The following MYH14 variants were observed in gnomAD, a reference collection of about 807,000 sequenced individuals.
The protein encoded by MYH14 is myosin-14.
Under a neutral mutation model 255.5 loss-of-function variants are expected in MYH14, and 123 were observed. The ratio of observed to expected loss-of-function variants is 0.48; its 90% CI spans 0.42 to 0.56. The LOEUF (loss-of-function observed/expected upper bound fraction) is 0.56, where lower values mean the gene tolerates loss of function less well. MYH14 is among the 20% of genes least tolerant of loss of function. The pLI is 0.00. For missense variants in MYH14, 2,423 were observed against 2,802.3 expected (o/e 0.86, Z 3.06); for synonymous variants, 1,095 against 1,161.2 (o/e 0.94, Z 1.16).
chr19:50,272,624 G>C lies in MYH14; in HGVS notation c.3360G>C (p.Gly1120=). The part of the protein sequence containing the change: ...ELEKLKRRLD[G]ESSELQEQMV... ...AGAAGCTGAAGCGGAGGCTGGATGG[G>C]GAGAGCTCAGAGCTGCAGGAGCAGA... is the stretch of plus-strand genomic sequence containing the variant. Residue 1120 remains glycine, a synonymous_variant, in exon 27 of 43, where the codon GGG becomes GGC. Transcript: ENST00000642316. 1 of 1,577,922 alleles carries C rather than the reference G, an allele frequency of 6.3e-7. No individual in the cohort carries two copies. Among genetic ancestry groups the C allele is most frequent in the Non-Finnish European group, 8.6e-7 (1 of 1,162,926 alleles).
intron 1 of MYH14, among the ~76,000 whole-genome samples, chr19:50,208,531 T>C (rs566143315): frequency 1.8e-4 from 28 of 152,278 alleles, no homozygotes; most frequent in Non-Finnish European, 1.6e-4. Context: ...AGAGAATTTT[T>C]AAAAAACAAA....
intron 12 of MYH14, among the ~76,000 whole-genome samples, chr19:50,248,699 C>G (rs1043763061): frequency 6.6e-6 from 1 of 152,238 alleles, no homozygotes; most frequent in African/African-American, 2.4e-5. Flanking sequence ...TTGTCCGGCT[C>G]CAGAGTCCAC....
In MYH14 at chr19:50,276,808, G is replaced by A; in HGVS notation, c.3732G>A (p.Glu1244=). Reference sequence around the variant, plus strand: ...AGCTGAAGAAGACTCTGGAGGAGGAGACTCGCATCCACGAGGCGGCAGTGC... The same window carrying A: ...AGCTGAAGAAGACTCTGGAGGAGGAAACTCGCATCCACGAGGCGGCAGTGC... ...VTELKKTLEE[E]TRIHEAAVQE... is the part of the protein sequence containing the mutation. The change falls in exon 29 of 43, where the codon GAG becomes GAA. Residue 1244 remains glutamate (E), a synonymous_variant. Coordinates refer to ENST00000642316, the MANE Select transcript of MYH14 (RefSeq NM_001145809.2). This position sits in a 1 kb window ranked among gnomAD's most constrained non-coding sequence, Gnocchi z 4.3. 6.2e-7 allele frequency: 1 copy of A among 1,613,344 alleles called. No homozygotes were observed.
intron 2 of MYH14, among the ~76,000 whole-genome samples, chr19:50,213,941 C>G (rs2032335591): frequency 6.6e-6 from 1 of 152,186 alleles, no homozygotes; most frequent in African/African-American, 2.4e-5. Context: ...CCTCCTGCCT[C>G]AGCCTCCTAA....
Position 50,244,326 on chromosome 19 carries a change from C to G in MYH14, c.1199C>G (p.Pro400Arg). The G allele has an allele frequency of 1.2e-6, 2 of 1,613,546 alleles. No individual in the cohort carries two copies. The highest frequency in any genetic ancestry group is 1.1e-5 in the South Asian group (1 of 91,080). ...CGGAACACCGATCAAGCCACCATGC[C>G]TGACAACACAGGTACTGCCCCCGGC... ...RERNTDQATM[P>R]DNTAAQKLCR... The change falls in exon 11 of 43, where the codon CCT (proline) becomes CGT (arginine). Residue 400 changes from proline (P) to arginine (R), a missense_variant. By Grantham distance (103) the Pro-to-Arg change is moderately radical. Around this residue, in one of 3 missense-constraint regions of MYH14, gnomAD observed 672 missense variants for 881.8 expected, o/e 0.76. Coordinates refer to ENST00000642316, the MANE Select transcript of MYH14 (RefSeq NM_001145809.2).
intron 19 of MYH14, 106 bp downstream of exon 19, chr19:50,259,371 C>T (rs1271290547): frequency 3.3e-5 from 47 of 1,425,082 alleles, no homozygotes; most frequent in Non-Finnish European, 4.2e-5. Context: ...GTTCCTTCTG[C>T]GCTGGGGAAG....
In MYH14 at chr19:50,224,061, G is replaced by A. The variant is rs2032980068; in HGVS notation, c.694-93G>A. ...CAGTCCCCCTTCCCCCACCCCCCAT[G>A]CCACCACCTGAGATCACTGGTTCAC... On this transcript the variant is annotated intron_variant, in intron 5 of 42. Transcript: ENST00000642316. 6 of 438,354 alleles carry A rather than the reference G, an allele frequency of 1.4e-5. No individual in the cohort carries two copies. The Admixed American group carries it at 1.6e-4, about 11-fold the overall frequency. 27.2% of individuals were successfully genotyped at this position (438,354 alleles called of 1,614,324 possible). A position where few individuals can be genotyped will look rare whatever the true frequency, so the allele number is the denominator to read the frequency against.
At chr19:50,239,329 C>CT (rs1280691956) in intron 10 of MYH14, among the ~76,000 whole-genome samples, 34 of 151,930 alleles carry the variant, frequency 2.2e-4, no homozygotes, top group Non-Finnish European at 2.9e-5. Context: ...CTCTTGCTCT[C>CT]TTTTTTTCCT....
chr19:50,217,904 G>A, intron 3 of MYH14, 133 bp downstream of exon 3: 1 of 1,096,830 alleles, frequency 9.1e-7, no homozygotes, highest in Non-Finnish European at 1.3e-6. Flanking sequence ...TTAGGGGGCT[G>A]GAGGGAGCAC....
At chr19:50,251,536 AC>A (rs2034391740) in intron 15 of MYH14, among the ~76,000 whole-genome samples, 1 of 51,322 alleles carries the variant, frequency 1.9e-5, no homozygotes, top group Non-Finnish European at 4.5e-5. Flanking sequence ...ACACACACAC[AC>A]ACACACACAC....
Position 50,289,549 on chromosome 19 carries a change from TC to T in MYH14, c.4867del (p.Leu1623TrpfsTer3). 1 of 1,613,048 alleles carries T rather than the reference TC, an allele frequency of 6.2e-7. No homozygotes were observed. The highest frequency in any genetic ancestry group is 8.5e-7 in the Non-Finnish European group (1 of 1,179,608). On this transcript the variant is annotated frameshift_variant, in exon 35 of 43. Transcript: ENST00000642316. LOFTEE classifies it high-confidence loss of function. ...LTAAEDAKLR[L>X]EVTVQALKTQ... ...CAGCGGCCGAGGATGCCAAGCTGCG[TC>T]TGGAGGTGACTGTGCAGGCTCTCAA...
intron 25 of MYH14, 103 bp downstream of exon 25, chr19:50,271,649 G>A: frequency 6.7e-7 from 1 of 1,488,856 alleles, no homozygotes; most frequent in Non-Finnish European, 9.1e-7. Context: ...GCGGTTCTCA[G>A]GTGTGCACCG....
In MYH14 at chr19:50,261,608, C is replaced by T; in HGVS notation, c.2558C>T (p.Ala853Val). Residue 853 changes from alanine (A) to valine (V), a missense_variant, in exon 21 of 43, where the codon GCA (alanine) becomes GTA (valine). Physicochemically the swap from Ala to Val is moderately conservative, Grantham distance 64. This residue lies in a region of MYH14 where 1,513 missense variants were observed against 1,674.8 expected (regional missense o/e 0.90). Coordinates refer to ENST00000642316, the MANE Select transcript of MYH14 (RefSeq NM_001145809.2). Reference protein sequence around the residue: ...KVTDIIVSFQAAARGYLARRA... With the variant: ...KVTDIIVSFQVAARGYLARRA... The stretch of plus-strand genomic sequence containing the variant: ...ACCGACATCATCGTCTCCTTCCAGG[C>T]AGCTGCCCGGGGATACCTGGCTCGC... 1 of 1,602,616 alleles carries T rather than the reference C, an allele frequency of 6.2e-7. No individual in the cohort carries two copies. The highest frequency in any genetic ancestry group is 8.5e-7 in the Non-Finnish European group (1 of 1,175,716).
chr19:50,244,022 T>C (rs978876204), intron 10 of MYH14, among the ~76,000 whole-genome samples: 49 of 151,696 alleles, frequency 3.2e-4, no homozygotes, highest in African/African-American at 1.0e-3. Flanking sequence ...TTGCTCAGGC[T>C]GGTCTCAAAC....
intron 33 of MYH14, chr19:50,285,444 C>T (rs1186111927): frequency 1.3e-5 from 2 of 152,202 alleles, no homozygotes; most frequent in Admixed American, 1.3e-4. Flanking sequence ...ACATCTTTCA[C>T]ATCTGCTGCC....
chr19:50,230,933 G>A lies in MYH14; in HGVS notation c.973+310G>A, dbSNP rs1192466613. ...AAGCTCCGTGGCTTCTCTCTCGCGC[G>A]GCTTCTCCTCACTCCGGCGGGTGAC... On this transcript the variant is annotated intron_variant, in intron 9 of 42. Transcript: ENST00000642316. This position sits in a 1 kb window ranked among gnomAD's most constrained non-coding sequence, Gnocchi z 4.7. 3 of 375,320 alleles carry A rather than the reference G, an allele frequency of 8.0e-6. No homozygotes were observed. Among genetic ancestry groups the A allele is most frequent in the Non-Finnish European group, 1.0e-5 (2 of 200,928 alleles). The allele number at this position is 375,320 out of a possible 1,614,324, so 23.2% of individuals were successfully genotyped here.
Position 50,252,859 on chromosome 19 carries a change from T to G in MYH14, c.1945+106T>G. ...CAGAGGCGGAGGTCTGAACCTGAGTTTTCTGCTCAGACCCAGAATAGCCAG... is the reference window on the plus strand; with the variant it reads ...CAGAGGCGGAGGTCTGAACCTGAGTGTTCTGCTCAGACCCAGAATAGCCAG... On this transcript the variant is annotated intron_variant, in intron 16 of 42. Coordinates refer to ENST00000642316, the MANE Select transcript of MYH14 (RefSeq NM_001145809.2). This position sits in a 1 kb window ranked among gnomAD's most constrained non-coding sequence, Gnocchi z 4.2. The G allele has an allele frequency of 1.4e-6, 1 of 730,376 alleles. No homozygotes were observed. The highest frequency in any genetic ancestry group is 2.7e-5 in the East Asian group (1 of 36,826). The allele number at this position is 730,376 out of a possible 1,614,324, so 45.2% of individuals were successfully genotyped here.
chr19:50,259,877 T>A (rs538191181), intron 19 of MYH14, among the ~76,000 whole-genome samples: 1 of 151,846 alleles, frequency 6.6e-6, no homozygotes, highest in African/African-American at 2.4e-5. Context: ...AAACTCTGTC[T>A]CAAAAAAATA....
intron 23 of MYH14, among the ~76,000 whole-genome samples, chr19:50,267,623 A>AAATAAT (rs56141769): frequency 0.01 from 1,561 of 149,194 alleles, 12 homozygotes; most frequent in Middle Eastern, 0.021. Flanking sequence ...TCTGTCTCAA[A>AAATAAT]AATAATAATA....
Sources: allele counts gnomAD v4.1 joint callset (sites outside exome capture counted in the v4.1 genomes callset), GRCh38; gene constraint gnomAD v4.1.1; regional missense constraint gnomAD v4.1.1; non-coding constraint Gnocchi (gnomAD v3.1); transcripts MANE v1.5; gene names NCBI Gene and HGNC (gene_info 2026-07-23, HGNC 2026-07-21).